The following GRAMD1B variants were observed in gnomAD, a reference collection of about 807,000 sequenced individuals.
GRAMD1B encodes GRAM domain containing 1B.
Under a neutral mutation model 99.7 loss-of-function variants are expected in GRAMD1B, and 37 were observed. The observed-to-expected ratio is 0.37, with a 90% CI of 0.29 to 0.49. The LOEUF is 0.49. Ranked by LOEUF, GRAMD1B falls within the 20% of genes least tolerant of loss-of-function variation. GRAMD1B has a pLI of 0.98. For missense variants in GRAMD1B, 888 were observed against 1,009.2 expected, an observed-to-expected ratio of 0.88 and a Z score of 1.63; for synonymous variants, 427 against 387.6, an observed-to-expected ratio of 1.10 and a Z score of -1.19.
rs528476805 is a variant in GRAMD1B at position 123,362,823 on chromosome 11, C to T, written c.-176+4024C>T. ...CAATTCCTAGAAAAGTTTGTGAGAT[C>T]CACCGAACCTGGAGATACAGGCTGC... On this transcript the variant is annotated intron_variant, in intron 1 of 20. Transcript: ENST00000638157. Among the ~76,000 whole-genome samples the T allele has an allele frequency of 1.5e-4, 23 of 152,178 alleles. No homozygotes were observed. In the South Asian group the frequency reaches 2.9e-3, roughly 19 times the overall value.
At chr11:123,452,778 T>G (rs1949945828) in intron 1 of GRAMD1B, among the ~76,000 whole-genome samples, 1 of 152,240 alleles carries the variant, frequency 6.6e-6, no homozygotes, top group Non-Finnish European at 1.5e-5. Flanking sequence ...GGGGCTTTGC[T>G]CACTAGGGAA....
At chr11:123,494,285 TA>T (rs983328164) in intron 2 of GRAMD1B, among the ~76,000 whole-genome samples, 1 of 152,186 alleles carries the variant, frequency 6.6e-6, no homozygotes, top group Non-Finnish European at 1.5e-5. Flanking sequence ...ACACATCTAT[TA>T]ACCTTTTTAA....
At chr11:123,620,465 T>C (rs1243894207) in intron 19 of GRAMD1B, among the ~76,000 whole-genome samples, 2 of 99,762 alleles carry the variant, frequency 2.0e-5, no homozygotes, top group Admixed American at 2.8e-4. Context: ...AGAGTGAGAC[T>C]TCATCTCAAA....
chr11:123,559,800 C>T, intron 2 of GRAMD1B: 1 of 479,452 alleles, frequency 2.1e-6, no homozygotes, highest in African/African-American at 2.1e-5. Context: ...GGCCCTCGGC[C>T]ATCTTTTCTT....
At chr11:123,551,726 T>C (rs1202625205) in intron 2 of GRAMD1B, among the ~76,000 whole-genome samples, 1 of 152,170 alleles carries the variant, frequency 6.6e-6, no homozygotes, top group Non-Finnish European at 1.5e-5. Context: ...CCCAGCCCCA[T>C]TTGTAGCCAC....
intron 7 of GRAMD1B, chr11:123,598,023 C>T (rs1432566850): frequency 5.4e-6 from 7 of 1,300,148 alleles, no homozygotes; most frequent in South Asian, 1.2e-5. Context: ...TATTCTTCCT[C>T]AGTGTCAGGC....
chr11:123,601,577 C>T (rs892827204), intron 8 of GRAMD1B, among the ~76,000 whole-genome samples: 10 of 150,394 alleles, frequency 6.6e-5, no homozygotes, highest in African/African-American at 2.2e-4. Flanking sequence ...TAAATATATA[C>T]ATATATTGGC....
intron 2 of GRAMD1B, among the ~76,000 whole-genome samples, chr11:123,570,897 A>G (rs1181796533): frequency 6.6e-6 from 1 of 152,178 alleles, no homozygotes; most frequent in Non-Finnish European, 1.5e-5. Context: ...CATACATTTG[A>G]TCATCTAGGT....
At chr11:123,581,652 G>A (rs1949365458) in intron 3 of GRAMD1B, among the ~76,000 whole-genome samples, 1 of 152,192 alleles carries the variant, frequency 6.6e-6, no homozygotes, top group African/African-American at 2.4e-5. Context: ...CTGGTTCAGG[G>A]CAGAGCCTCA....
intron 2 of GRAMD1B, chr11:123,559,613 T>A: frequency 1.4e-5 from 13 of 956,324 alleles, no homozygotes; most frequent in Non-Finnish European, 1.6e-5. Flanking sequence ...TTTCGGTGAA[T>A]GGACAGAGAA....
chr11:123,598,907 A>G, intron 7 of GRAMD1B: 1 of 1,197,852 alleles, frequency 8.3e-7, no homozygotes, highest in Non-Finnish European at 1.2e-6. Flanking sequence ...GGTATCTCTT[A>G]TGCTCTGCAT....
chr11:123,378,928 A>C (rs1208143129), intron 1 of GRAMD1B, among the ~76,000 whole-genome samples: 1 of 152,210 alleles, frequency 6.6e-6, no homozygotes, highest in Non-Finnish European at 1.5e-5. Context: ...ACCTGTGTTC[A>C]GTCTTCTCTT....
rs58113764 is a variant in GRAMD1B, at chr11:123,492,865, TACACAC to T, written c.452+11997_452+12002del. Reference sequence around the variant, plus strand: ...TCTCTCTGTCTCTCTCTTTCACACATACACACACACACACACACACACACACACACG... The same window carrying T: ...TCTCTCTGTCTCTCTCTTTCACACATACACACACACACACACACACACACG... On this transcript the variant is annotated intron_variant, in intron 2 of 19. Transcript: ENST00000635736. The surrounding 1 kb of genome is among the most constrained non-coding windows in gnomAD (Gnocchi z 4.2). Among the ~76,000 whole-genome samples, 6 of 147,938 alleles carry T rather than the reference TACACAC, an allele frequency of 4.1e-5. No individual in the cohort carries two copies. The highest frequency in any genetic ancestry group is 1.0e-4 in the African/African-American group (4 of 39,886).
In GRAMD1B at chr11:123,545,571, G is replaced by A. The variant is rs756604642; in HGVS notation, c.453-31796G>A. Among the ~76,000 whole-genome samples the A allele has an allele frequency of 3.9e-5, 6 of 152,252 alleles. No homozygotes were observed. In the South Asian group the frequency reaches 6.2e-4, roughly 16 times the overall value. ...TAGCCCCACCAGCTACTATCTGTAC[G>A]CTCTTGGGTAAGTTTCTCAGCCAAT... On this transcript the variant is annotated intron_variant, in intron 2 of 19. Transcript: ENST00000635736.
At chr11:123,590,028 C>T (rs1056458611) in intron 4 of GRAMD1B, among the ~76,000 whole-genome samples, 22 of 152,334 alleles carry the variant, frequency 1.4e-4, no homozygotes, top group African/African-American at 5.3e-4. Context: ...GGTCTGGAGG[C>T]TTTCTTGCCC....
At chr11:123,383,707 C>A (rs138767188) in intron 1 of GRAMD1B, among the ~76,000 whole-genome samples, 2 of 151,932 alleles carry the variant, frequency 1.3e-5, no homozygotes, top group Non-Finnish European at 2.9e-5. Flanking sequence ...AAATACACAT[C>A]TCCCTGATGT....
chr11:123,396,432 C>G (rs558717874), intron 1 of GRAMD1B, among the ~76,000 whole-genome samples: 5 of 152,060 alleles, frequency 3.3e-5, no homozygotes, highest in East Asian at 1.9e-4. Flanking sequence ...TGTACCACCA[C>G]GCCTGGCTAA....
chr11:123,442,405 T>C (rs1292409397), intron 1 of GRAMD1B, among the ~76,000 whole-genome samples: 1 of 151,796 alleles, frequency 6.6e-6, no homozygotes, highest in Non-Finnish European at 1.5e-5. Context: ...CCAAAGAGAG[T>C]GTTCTTGGAT....
At chr11:123,534,038 C>T (rs1943690706) in intron 2 of GRAMD1B, among the ~76,000 whole-genome samples, 1 of 152,236 alleles carries the variant, frequency 6.6e-6, no homozygotes, top group South Asian at 2.1e-4. Flanking sequence ...CCTTGACCAA[C>T]TTGGTGCTTA....
Sources: gnomAD v4.1 joint callset for allele counts (sites outside exome capture counted in the v4.1 genomes callset) on GRCh38, gnomAD v4.1.1 for gene constraint, Gnocchi (gnomAD v3.1) non-coding constraint, MANE v1.5 for transcripts, NCBI Gene and HGNC (gene_info 2026-07-23, HGNC 2026-07-21) for gene names.